PGPEP1L: variants seen among roughly 807,000 people sequenced by gnomAD.
The protein encoded by PGPEP1L is pyroglutamyl-peptidase 1-like protein.
PGPEP1L carries 7 observed loss-of-function variants against 6.0 expected under a neutral mutation model. The ratio of observed to expected loss-of-function variants is 1.17; its 90% confidence interval spans 0.66 to 2.19. The LOEUF (loss-of-function observed/expected upper bound fraction) is 2.19. Among genes scored for constraint, PGPEP1L ranks in the 30% most tolerant of loss-of-function variants. The pLI, the probability that PGPEP1L is intolerant of heterozygous loss-of-function variation, is 0.00. For missense variants in PGPEP1L, 209 were observed against 192.5 expected, an observed-to-expected ratio of 1.09 and a Z score of -0.51; for synonymous variants, 103 against 83.9, an observed-to-expected ratio of 1.23 and a Z score of -1.24.
At chr15:98,970,982 G>A (rs1009552723) in intron 3 of PGPEP1L, 54 bp downstream of exon 3, 54 of 1,604,744 alleles carry the variant, frequency 3.4e-5, no homozygotes, top group Middle Eastern at 1.7e-4. Context: ...GGGTTCAGAG[G>A]CTCCAGCTCC....
At chr15:98,989,727 G>A (rs2017794029) in intron 2 of PGPEP1L, among the ~76,000 whole-genome samples, 1 of 152,208 alleles carries the variant, frequency 6.6e-6, no homozygotes, top group Non-Finnish European at 1.5e-5. Context: ...AGGGCACCCA[G>A]AGAGAAAGGT....
rs186906360 is a variant in PGPEP1L, at chr15:98,999,695, G to A, written c.-142+5734C>T. Among the ~76,000 whole-genome samples, 6 of 152,352 alleles carry A rather than the reference G, an allele frequency of 3.9e-5. No homozygotes were observed. The East Asian group carries it at 1.2e-3, about 29-fold the overall frequency. On this transcript the variant is annotated intron_variant, in intron 2 of 4. Coordinates refer to ENST00000535714, the MANE Select transcript of PGPEP1L (RefSeq NM_001167902.2). ...CCAAATGTTCTTCAGTGGGTTAACA[G>A]TCAAACCAATCATGGTTCACCCATC...
intron 2 of PGPEP1L, among the ~76,000 whole-genome samples, chr15:98,999,961 C>T (rs952620535): frequency 3.3e-5 from 5 of 152,276 alleles, no homozygotes; most frequent in Non-Finnish European, 7.3e-5. Flanking sequence ...CTTGAGGAGC[C>T]CTCCAGCCCA....
rs1306626950 is a variant in PGPEP1L, at chr15:98,969,433, A to G, written c.201T>C (p.Asp67=). ...VEGVDVIFSR[D]AGRYVCDYTY... is the part of the protein sequence containing the mutation. ...ACACCCACAGAGCATACCTGCCTGC[A>G]TCTCGGGAAAAGATCACGTCGACAC... The change falls in exon 4 of 5, where the codon GAT becomes GAC. Residue 67 remains aspartate, a synonymous_variant. Coordinates refer to ENST00000535714, the MANE Select transcript of PGPEP1L (RefSeq NM_001167902.2). 3 of 1,613,836 alleles carry G rather than the reference A, an allele frequency of 1.9e-6. No individual in the cohort carries two copies. Among genetic ancestry groups the G allele is most frequent in the African/African-American group, 1.3e-5 (1 of 74,920 alleles).
chr15:99,001,932 G>A (rs1428812152), intron 2 of PGPEP1L, among the ~76,000 whole-genome samples: 1 of 152,142 alleles, frequency 6.6e-6, no homozygotes, highest in African/African-American at 2.4e-5. Context: ...TGGCCAGGCT[G>A]GTCTCGAACT....
chr15:98,974,376 C>T (rs1163998798), intron 2 of PGPEP1L, among the ~76,000 whole-genome samples: 2 of 151,036 alleles, frequency 1.3e-5, no homozygotes, highest in Non-Finnish European at 1.5e-5. Flanking sequence ...GAGACCCTGT[C>T]TCAAAAAAAA....
chr15:98,985,622 C>G (rs1288333173), intron 2 of PGPEP1L, among the ~76,000 whole-genome samples: 1 of 152,168 alleles, frequency 6.6e-6, no homozygotes, highest in Admixed American at 6.5e-5. Flanking sequence ...GTTTCCTGAC[C>G]CCAGGAGAAG....
chr15:99,000,558 CA>C (rs2151766150), intron 2 of PGPEP1L, among the ~76,000 whole-genome samples: 1 of 152,296 alleles, frequency 6.6e-6, no homozygotes, highest in Admixed American at 6.5e-5. Context: ...GGTTTGTAAA[CA>C]CACCAATCAG....
At position 98,968,373 on chromosome 15, in the gene PGPEP1L, C is replaced by A. The variant is rs1341809473; in HGVS notation, c.*105G>T. 3 of 1,158,060 alleles carry A rather than the reference C, an allele frequency of 2.6e-6. No homozygotes were observed. The highest frequency in any genetic ancestry group is 3.7e-6 in the Non-Finnish European group (3 of 811,098). 71.7% of individuals were successfully genotyped at this position (1,158,060 alleles called of 1,614,324 possible). ...GTTGGGCTAATTCAGAGTTTTCCAC[C>A]CTCTTTGTCTTACAAGCAATTTTTG... On this transcript the variant is annotated 3_prime_UTR_variant, in exon 5 of 5. Transcript: ENST00000535714.
chr15:98,969,046 T>G (rs2017449967), intron 4 of PGPEP1L, among the ~76,000 whole-genome samples: 1 of 152,230 alleles, frequency 6.6e-6, no homozygotes, highest in African/African-American at 2.4e-5. Flanking sequence ...GATCGGAGTT[T>G]GGAGAAACAA....
intron 2 of PGPEP1L, among the ~76,000 whole-genome samples, chr15:98,990,841 A>G (rs1555471973): frequency 6.6e-6 from 1 of 152,252 alleles, no homozygotes; most frequent in East Asian, 1.9e-4. Flanking sequence ...ATGGAAACTG[A>G]ACAACCTGCT....
At position 99,003,635 on chromosome 15, in the gene PGPEP1L, A is replaced by T. The variant is rs2018006286; in HGVS notation, c.-142+1794T>A. Among the ~76,000 whole-genome samples the T allele has an allele frequency of 2.0e-5, 3 of 151,730 alleles. No individual in the cohort carries two copies. The South Asian group carries it at 6.2e-4, about 32-fold the overall frequency. ...ATTTACACACGAAGCAAATCCAATTAAATGAAGAGACTGCCCCTGGCAGCT... is the reference window on the plus strand; with the variant it reads ...ATTTACACACGAAGCAAATCCAATTTAATGAAGAGACTGCCCCTGGCAGCT... On this transcript the variant is annotated intron_variant, in intron 2 of 4. Transcript: ENST00000535714.
intron 2 of PGPEP1L, among the ~76,000 whole-genome samples, chr15:98,996,275 G>T (rs1480075263): frequency 6.6e-6 from 1 of 152,148 alleles, no homozygotes. Context: ...AAAATCAGAG[G>T]TTTTCATTCA....
intron 1 of PGPEP1L, among the ~76,000 whole-genome samples, chr15:99,006,110 G>T (rs2018055404): frequency 6.6e-6 from 1 of 152,168 alleles, no homozygotes; most frequent in Non-Finnish European, 1.5e-5. Flanking sequence ...TGCAAGCACC[G>T]CTGCCTAGGA....
chr15:98,988,717 C>G (rs1282163478), intron 2 of PGPEP1L, among the ~76,000 whole-genome samples: 1 of 152,188 alleles, frequency 6.6e-6, no homozygotes, highest in Non-Finnish European at 1.5e-5. Flanking sequence ...CAGTAGGGGC[C>G]GACAGACACC....
At chr15:98,982,432 G>T (rs2017678074) in intron 2 of PGPEP1L, among the ~76,000 whole-genome samples, 1 of 152,214 alleles carries the variant, frequency 6.6e-6, no homozygotes, top group Non-Finnish European at 1.5e-5. Context: ...AGAGTGAACT[G>T]TGTATCACCA....
chr15:99,002,207 G>A (rs557134145), intron 2 of PGPEP1L, among the ~76,000 whole-genome samples: 22 of 152,132 alleles, frequency 1.4e-4, no homozygotes, highest in Admixed American at 1.4e-3. Context: ...GGTTTCCCAG[G>A]CTGCCCTCGA....
rs58126997 is a variant in PGPEP1L, at chr15:98,972,872, C to CAAAAAAAAA, written c.-141-1723_-141-1715dup. ...TGGGTGACAGAGTGAGACTCCGTCT[C>CAAAAAAAAA]AAAAAAAAAAAAAAAAAAAAAAAAA... On this transcript the variant is annotated intron_variant, in intron 2 of 4. Transcript: ENST00000535714. 8.8e-5 allele frequency among the ~76,000 whole-genome samples: 4 copies of CAAAAAAAAA among 45,654 alleles called. 1 individual carries two copies. Among genetic ancestry groups the CAAAAAAAAA allele is most frequent in the East Asian group, 8.2e-4 (1 of 1,214 alleles). The allele number at this position is 45,654 out of a possible 152,430, so 30.0% of individuals were successfully genotyped here.
intron 2 of PGPEP1L, among the ~76,000 whole-genome samples, chr15:98,995,946 T>A (rs1315001140): frequency 1.3e-5 from 2 of 152,198 alleles, no homozygotes; most frequent in African/African-American, 4.8e-5. Flanking sequence ...TTGTGACTGG[T>A]GCCTTTCATT....
Sources: gnomAD v4.1 joint callset for allele counts (sites outside exome capture counted in the v4.1 genomes callset) on GRCh38, gnomAD v4.1.1 for gene constraint, MANE v1.5 for transcripts, NCBI Gene and HGNC (gene_info 2026-07-23, HGNC 2026-07-21) for gene names.